The following USH2A variants were observed in gnomAD, a reference collection of about 807,000 sequenced individuals.
USH2A encodes the protein Usher syndrome 2A (autosomal recessive, mild).
In USH2A, 443 loss-of-function variants were observed where a neutral mutation model predicts 538.9. That is an observed-to-expected ratio of 0.82 (90% CI 0.76 to 0.89). USH2A has a LOEUF of 0.89. USH2A is among the 40% of genes least tolerant of loss of function. The probability of loss-of-function intolerance (pLI) is 0.00; values close to 1 mark genes in which losing one functional copy is unlikely to be tolerated. For synonymous variants in USH2A, 2,413 were observed against 2,273.5 expected (o/e 1.06, Z -1.75); for missense variants, 6,633 against 6,324.8 (o/e 1.05, Z -1.65).
intron 29 of USH2A, 40 bp downstream of exon 29, chr1:216,072,847 ATG>A (rs759087157): frequency 4.7e-5 from 70 of 1,502,448 alleles, no homozygotes; most frequent in Non-Finnish European, 5.9e-5. Context: ...AAATACATGC[ATG>A]TGTGTGTGTG....
chr1:216,220,942 A>C (rs2035446916), intron 14 of USH2A, among the ~76,000 whole-genome samples: 1 of 152,182 alleles, frequency 6.6e-6, no homozygotes, highest in Non-Finnish European at 1.5e-5. Context: ...ATTTTAGATA[A>C]GGATTATTAA....
chr1:215,894,391 A>C (rs1478740892), intron 40 of USH2A, among the ~76,000 whole-genome samples: 1 of 152,180 alleles, frequency 6.6e-6, no homozygotes, highest in South Asian at 2.1e-4. Flanking sequence ...TCTTAAGGGC[A>C]TATGTGCACT....
chr1:216,158,226 T>G (rs1038005115), intron 21 of USH2A, among the ~76,000 whole-genome samples: 4 of 152,128 alleles, frequency 2.6e-5, no homozygotes, highest in Non-Finnish European at 5.9e-5. Flanking sequence ...AGAGCACATA[T>G]GTATGTATGT....
chr1:216,389,448 C>G (rs2039062476), intron 3 of USH2A, among the ~76,000 whole-genome samples: 1 of 152,126 alleles, frequency 6.6e-6, no homozygotes, highest in Non-Finnish European at 1.5e-5. Context: ...CCACATTTAA[C>G]TGCTTATATA....
At chr1:215,874,235 AC>A (rs1379863929) in intron 43 of USH2A, among the ~76,000 whole-genome samples, 5 of 152,164 alleles carry the variant, frequency 3.3e-5, no homozygotes, top group Non-Finnish European at 7.3e-5. Context: ...TCCCCCAACA[AC>A]CATAACTTGC....
rs1363933493 is a variant in USH2A at position 215,675,427 on chromosome 1, T to C, written c.12484A>G (p.Thr4162Ala). ...CTGGTGGACTTCACAGAGTGGACAG[T>C]AGGAGCCAGCTGAGAGTCTGGAGGG... The part of the protein sequence containing the change: ...EAPPDSQLAP[T>A]VHSVKSTSVE... The change falls in exon 63 of 72, where the codon ACT (threonine) becomes GCT (alanine). Residue 4162 changes from threonine to alanine, a missense_variant. By Grantham distance (58) the Thr-to-Ala change is moderately conservative. Transcript: ENST00000307340. 2 of 1,614,002 alleles carry C rather than the reference T, an allele frequency of 1.2e-6. No individual in the cohort carries two copies. Among genetic ancestry groups the C allele is most frequent in the Middle Eastern group, 1.6e-4 (1 of 6,062 alleles).
chr1:216,292,492 AT>A, intron 9 of USH2A, 122 bp from the exon 10 acceptor site: 2 of 1,063,248 alleles, frequency 1.9e-6, no homozygotes, highest in Non-Finnish European at 2.7e-6. Flanking sequence ...GTCAGCAATG[AT>A]TTTATTTGAA....
At chr1:215,918,056 A>G (rs920834256) in intron 38 of USH2A, among the ~76,000 whole-genome samples, 4 of 152,196 alleles carry the variant, frequency 2.6e-5, no homozygotes, top group South Asian at 4.1e-4. Flanking sequence ...TGAATCCACT[A>G]TTCTAAGATA....
At chr1:216,038,494 C>T (rs886698201) in intron 32 of USH2A, among the ~76,000 whole-genome samples, 41 of 151,874 alleles carry the variant, frequency 2.7e-4, no homozygotes, top group Non-Finnish European at 5.6e-4. Flanking sequence ...GAAGACCCCC[C>T]CTCCACTTTC....
At chr1:215,833,243 A>C (rs1247975360) in intron 47 of USH2A, among the ~76,000 whole-genome samples, 1 of 151,944 alleles carries the variant, frequency 6.6e-6, no homozygotes, top group African/African-American at 2.4e-5. Context: ...GAGAAAGGCC[A>C]AAATGATTTT....
intron 31 of USH2A, 135 bp from the exon 32 acceptor site, chr1:216,046,727 G>T (rs2030538214): frequency 9.8e-7 from 1 of 1,015,558 alleles, no homozygotes; most frequent in Non-Finnish European, 1.5e-6. Context: ...TGGGCAGCTT[G>T]TCAGTAATTG....
At chr1:215,706,147 G>A (rs1195579620) in intron 61 of USH2A, among the ~76,000 whole-genome samples, 1 of 152,160 alleles carries the variant, frequency 6.6e-6, no homozygotes, top group Non-Finnish European at 1.5e-5. Context: ...TTTGCCTGGG[G>A]GGATCCTGTC....
chr1:215,958,819 C>T (rs1667130897), intron 37 of USH2A, among the ~76,000 whole-genome samples: 1 of 152,086 alleles, frequency 6.6e-6, no homozygotes, highest in Admixed American at 6.6e-5. Context: ...TCTGACCACT[C>T]CTATTTAGTT....
intron 15 of USH2A, among the ~76,000 whole-genome samples, chr1:216,210,796 C>T (rs2035223364): frequency 6.6e-6 from 1 of 152,046 alleles, no homozygotes; most frequent in South Asian, 2.1e-4. Flanking sequence ...TCCTGGCCAA[C>T]ATGGTGAAAC....
At chr1:215,966,239 A>G in intron 36 of USH2A, among the ~76,000 whole-genome samples, 1 of 152,198 alleles carries the variant, frequency 6.6e-6, no homozygotes, top group East Asian at 1.9e-4. Flanking sequence ...ATAGATAAAT[A>G]AGTAAAATAA....
intron 37 of USH2A, among the ~76,000 whole-genome samples, chr1:215,940,218 A>C (rs984063869): frequency 3.9e-5 from 6 of 152,116 alleles, no homozygotes; most frequent in African/African-American, 1.4e-4. Flanking sequence ...TTCTTGCTGT[A>C]CAAAGAAATA....
chr1:216,276,947 A>G (rs1437082246), intron 11 of USH2A, among the ~76,000 whole-genome samples: 1 of 152,120 alleles, frequency 6.6e-6, no homozygotes, highest in Non-Finnish European at 1.5e-5. Context: ...ATCAGTCAGT[A>G]TCATCAAAAA....
chr1:216,141,374 C>T (rs1051917503), intron 21 of USH2A, among the ~76,000 whole-genome samples: 1 of 152,166 alleles, frequency 6.6e-6, no homozygotes, highest in Non-Finnish European at 1.5e-5. Flanking sequence ...GGCACCCTAG[C>T]GAGCATCACA....
intron 37 of USH2A, among the ~76,000 whole-genome samples, chr1:215,952,945 G>A (rs1666961183): frequency 6.6e-6 from 1 of 152,244 alleles, no homozygotes; most frequent in Middle Eastern, 3.4e-3. Flanking sequence ...GCCAAATCAT[G>A]AGTGAAATCC....
Sources: allele counts gnomAD v4.1 joint callset (sites outside exome capture counted in the v4.1 genomes callset), GRCh38; gene constraint gnomAD v4.1.1; transcripts MANE v1.5; gene names NCBI Gene and HGNC (gene_info 2026-07-23, HGNC 2026-07-21).